Variants in MAGEB2 observed in about 807,000 individuals in gnomAD.
The protein encoded by MAGEB2 is MAGE family member B2.
For missense variants in MAGEB2, 365 were observed against 243.2 expected (o/e 1.50, Z -3.33); for synonymous variants, 107 against 96.2 (o/e 1.11, Z -0.66).
chrX:30,218,447 G>A, intron 1 of MAGEB2, 129 bp from the exon 2 acceptor site: 2 of 964,742 alleles, frequency 2.1e-6, no homozygotes, highest in Non-Finnish European at 2.8e-6. Flanking sequence ...AGGGAAACTT[G>A]CAAAGGCAGG....
chrX:30,216,885 TTA>T lies in MAGEB2; in HGVS notation c.-6+1231_-6+1232del, dbSNP rs1491458795. 1.7e-4 allele frequency among the ~76,000 whole-genome samples: 15 copies of T among 89,327 alleles called. 1 individual carries two copies. Among genetic ancestry groups the T allele is most frequent in the Admixed American group, 1.1e-3 (9 of 8,176 alleles). 77.6% of individuals were successfully genotyped at this position (89,327 alleles called of 115,157 possible). ...AGGCGAAAGGGCGAGACTCCGTCTC[TTA>T]AAAAAAAAAAAAAAAAAGGCAGCTT... is the stretch of plus-strand genomic sequence containing the variant. On this transcript the variant is annotated intron_variant, in intron 1 of 1. Coordinates refer to ENST00000378988, the MANE Select transcript of MAGEB2 (RefSeq NM_002364.5).
rs1305150979 is a variant in MAGEB2, at chrX:30,215,608, GC to G, written c.-52del. 3 of 110,670 alleles carry G rather than the reference GC, an allele frequency of 2.7e-5. No individual in the cohort carries two copies. Among genetic ancestry groups the G allele is most frequent in the African/African-American group, 9.9e-5 (3 of 30,389 alleles). 9.1% of individuals were successfully genotyped at this position (110,670 alleles called of 1,213,427 possible). ...GACCCGAGCGAGTGTAGGGGGTGCG[GC>G]GTCTGGTCAGCCAGGGGTGAATTCT... On this transcript the variant is annotated 5_prime_UTR_variant, in exon 1 of 2. Coordinates refer to ENST00000378988, the MANE Select transcript of MAGEB2 (RefSeq NM_002364.5).
intron 1 of MAGEB2, among the ~76,000 whole-genome samples, chrX:30,216,113 C>CT (rs1419266271): frequency 1.8e-5 from 2 of 111,100 alleles, no homozygotes; most frequent in Non-Finnish European, 3.8e-5. Flanking sequence ...GGTGAGGACT[C>CT]TGAGTATTAA....
Position 30,218,770 on chromosome X carries a change from A to AGACT in MAGEB2, c.192_193insCTGA (p.Ala65LeufsTer19). 2.5e-6 allele frequency: 3 copies of AGACT among 1,192,352 alleles called. No homozygotes were observed. The highest frequency in any genetic ancestry group is 2.3e-6 in the Non-Finnish European group (2 of 885,144). ...TGCTGGCATTCCCCAGGAGCCTCAG[A>AGACT]GAGCCCCAACCACTGCCGCTGCTGC... On this transcript the variant is annotated frameshift_variant, in exon 2 of 2. Coordinates refer to ENST00000378988, the MANE Select transcript of MAGEB2 (RefSeq NM_002364.5). LOFTEE classifies it low-confidence loss of function (END_TRUNC).
rs182815759 is a variant in MAGEB2 at position 30,218,097 on chromosome X, G to A, written c.-5-479G>A. Among the ~76,000 whole-genome samples, 231 of 96,145 alleles carry A rather than the reference G, an allele frequency of 2.4e-3. 1 individual carries two copies. The highest frequency in any genetic ancestry group is 9.0e-3 in the African/African-American group (219 of 24,360). 83.5% of individuals were successfully genotyped at this position (96,145 alleles called of 115,157 possible). ...AGACCCCACTGAACTCTCAGCACTG[G>A]GTGTCACTTCTCAGGGTGGTGGTTG... On this transcript the variant is annotated intron_variant, in intron 1 of 1. Coordinates refer to ENST00000378988, the MANE Select transcript of MAGEB2 (RefSeq NM_002364.5).
intron 1 of MAGEB2, among the ~76,000 whole-genome samples, chrX:30,217,827 C>T (rs982649717): frequency 8.9e-6 from 1 of 112,096 alleles, no homozygotes; most frequent in African/African-American, 3.2e-5. Flanking sequence ...ACCACTGAAC[C>T]CTTAACAGTG....
rs1369304062 is a variant in MAGEB2 at position 30,219,541 on chromosome X, G to C, written c.*1G>C. 3 of 1,192,918 alleles carry C rather than the reference G, an allele frequency of 2.5e-6. No homozygotes were observed. Among genetic ancestry groups the C allele is most frequent in the Non-Finnish European group, 3.4e-6 (3 of 885,704 alleles). On this transcript the variant is annotated 3_prime_UTR_variant, in exon 2 of 2. Transcript: ENST00000378988. ...AGATGAAGAGAAAGCCGGAGTCTGA[G>C]CCAGAGTTGTAGCCAGGCCTTGCAC...
intron 1 of MAGEB2, among the ~76,000 whole-genome samples, chrX:30,217,474 T>C (rs1396219440): frequency 1.8e-5 from 2 of 111,941 alleles, no homozygotes; most frequent in Non-Finnish European, 3.8e-5. Context: ...TCCAGTCATC[T>C]CCCACCAGGC....
Position 30,219,123 on chromosome X carries a change from C to A in MAGEB2, c.543C>A (p.Ile181=). 2 of 1,210,405 alleles carry A rather than the reference C, an allele frequency of 1.7e-6. No individual in the cohort carries two copies. The highest frequency in any genetic ancestry group is 1.7e-5 in the African/African-American group (1 of 57,758). ...CCAACGGCCACACTTACACCTTCAT[C>A]GACAAGGTAGACCTCACTGATGAGG... is the stretch of plus-strand genomic sequence containing the variant. ...VNPNGHTYTF[I]DKVDLTDEES... is the part of the protein sequence containing the mutation. The change falls in exon 2 of 2, where the codon ATC becomes ATA. Residue 181 remains isoleucine (I), a synonymous_variant. Transcript: ENST00000378988.
chrX:30,218,505 C>G (rs1447752937), intron 1 of MAGEB2, 71 bp from the exon 2 acceptor site: 3 of 1,134,039 alleles, frequency 2.6e-6, no homozygotes, highest in Non-Finnish European at 3.5e-6. Flanking sequence ...AAGGTGCTCA[C>G]AGATCTCATT....
chrX:30,219,578 C>T lies in MAGEB2; in HGVS notation c.*38C>T, dbSNP rs747893990. The T allele has an allele frequency of 8.9e-7, 1 of 1,122,024 alleles. No homozygotes were observed. The highest frequency in any genetic ancestry group is 2.7e-5 in the Admixed American group (1 of 36,773). The allele number at this position is 1,122,024 out of a possible 1,213,427, so 92.5% of individuals were successfully genotyped here. On this transcript the variant is annotated 3_prime_UTR_variant, in exon 2 of 2. Transcript: ENST00000378988. ...GCCAGGCCTTGCACTACTGCCATAG[C>T]CAATCAATCTCCCAAAGCCAAGTTT... is the stretch of plus-strand genomic sequence containing the variant.
chrX:30,219,502 G>A lies in MAGEB2; in HGVS notation c.922G>A (p.Glu308Lys), dbSNP rs1002960917. The change falls in exon 2 of 2, where the codon GAA becomes AAA. Residue 308 changes from glutamate to lysine, a missense_variant. Coordinates refer to ENST00000378988, the MANE Select transcript of MAGEB2 (RefSeq NM_002364.5). ...CCCCTGTGCCTTCCCAACCCATTAC[G>A]AAGAAGCTTTGAAAGATGAAGAGAA... ...TTPCAFPTHY[E>K]EALKDEEKAG... 39 of 1,205,483 alleles carry A rather than the reference G, an allele frequency of 3.2e-5. No individual in the cohort carries two copies. Among genetic ancestry groups the A allele is most frequent in the South Asian group, 7.1e-5 (4 of 56,010 alleles).
chrX:30,218,437 A>G lies in MAGEB2; in HGVS notation c.-5-139A>G. 1.0e-5 allele frequency: 9 copies of G among 894,051 alleles called. No homozygotes were observed. In the South Asian group the frequency reaches 2.3e-4, roughly 23 times the overall value. 73.7% of individuals were successfully genotyped at this position (894,051 alleles called of 1,213,427 possible). On this transcript the variant is annotated intron_variant, in intron 1 of 1. Coordinates refer to ENST00000378988, the MANE Select transcript of MAGEB2 (RefSeq NM_002364.5). ...TGTGGCTTTCTAGAACAGTGCCTTC[A>G]GGGAAACTTGCAAAGGCAGGCTTCC...
In MAGEB2 at chrX:30,219,729, A is replaced by G; in HGVS notation, c.*189A>G. The G allele has an allele frequency of 1.1e-5, 4 of 365,919 alleles. No homozygotes were observed. The East Asian group carries it at 1.6e-4, about 15-fold the overall frequency. The allele number at this position is 365,919 out of a possible 1,213,427, so 30.2% of individuals were successfully genotyped here. On this transcript the variant is annotated 3_prime_UTR_variant, in exon 2 of 2. Coordinates refer to ENST00000378988, the MANE Select transcript of MAGEB2 (RefSeq NM_002364.5). ...TGACTTTTTTTTTTTCTCTTTTTCAACTAGTGTTTCAACAGGTTTATTTAG... is the reference window on the plus strand; with the variant it reads ...TGACTTTTTTTTTTTCTCTTTTTCAGCTAGTGTTTCAACAGGTTTATTTAG...
chrX:30,218,539 C>T (rs1183929946), intron 1 of MAGEB2, 37 bp from the exon 2 acceptor site: 3 of 1,166,850 alleles, frequency 2.6e-6, no homozygotes, highest in Non-Finnish European at 3.4e-6. Context: ...GTATACTAAC[C>T]ATCTATTCTT....
chrX:30,219,378 T>C lies in MAGEB2; in HGVS notation c.798T>C (p.Ser266=). ...KYLEYKQVPS[S]DPPRFQFLWG... The stretch of plus-strand genomic sequence containing the variant: ...TGGAGTACAAGCAGGTGCCCAGCAG[T>C]GATCCCCCACGCTTTCAATTCCTGT... Residue 266 remains serine, a synonymous_variant, in exon 2 of 2, where the codon AGT becomes AGC. Coordinates refer to ENST00000378988, the MANE Select transcript of MAGEB2 (RefSeq NM_002364.5). The C allele has an allele frequency of 4.1e-6, 5 of 1,212,051 alleles. No individual in the cohort carries two copies. Among genetic ancestry groups the C allele is most frequent in the Non-Finnish European group, 5.6e-6 (5 of 895,500 alleles).
chrX:30,218,359 G>T (rs1210567561), intron 1 of MAGEB2, among the ~76,000 whole-genome samples: 3 of 111,937 alleles, frequency 2.7e-5, no homozygotes, highest in Non-Finnish European at 5.6e-5. Context: ...TAGGGGTTCT[G>T]TGGTTCTTCT....
Position 30,218,723 on chromosome X carries a change from G to A in MAGEB2, c.143G>A (p.Gly48Asp), listed in dbSNP as rs989719845. The A allele has an allele frequency of 8.3e-7, 1 of 1,200,415 alleles. No individual in the cohort carries two copies. Among genetic ancestry groups the A allele is most frequent in the Admixed American group, 2.2e-5 (1 of 44,772 alleles). Residue 48 changes from glycine to aspartate, a missense_variant, in exon 2 of 2, where the codon GGT becomes GAT. By Grantham distance (94) the Gly-to-Asp change is moderately conservative (BLOSUM62 -1). Coordinates refer to ENST00000378988, the MANE Select transcript of MAGEB2 (RefSeq NM_002364.5). ...APCCSSSVSG[G>D]AASSSPAAGI... ...TGCTGTTCCTCTTCTGTTTCTGGGGGTGCTGCTTCAAGCTCTCCTGCTGCT... is the reference window on the plus strand; with the variant it reads ...TGCTGTTCCTCTTCTGTTTCTGGGGATGCTGCTTCAAGCTCTCCTGCTGCT...
rs149245405 is a variant in MAGEB2, at chrX:30,219,227, A to G, written c.647A>G (p.Asn216Ser). The change falls in exon 2 of 2, where the codon AAC becomes AGC. Residue 216 changes from asparagine to serine, a missense_variant. Coordinates refer to ENST00000378988, the MANE Select transcript of MAGEB2 (RefSeq NM_002364.5). ...CTGGGTGTGATCTTCTTAAATGGCA[A>G]CTCAGCTACTGAGGAAGAGATCTGG... ...PLLGVIFLNG[N>S]SATEEEIWEF... 1.1e-5 allele frequency: 13 copies of G among 1,209,017 alleles called. No homozygotes were observed. The Middle Eastern group carries it at 2.1e-3, about 191-fold the overall frequency.
Sources: allele counts gnomAD v4.1 joint callset (sites outside exome capture counted in the v4.1 genomes callset), GRCh38; gene constraint gnomAD v4.1.1; transcripts MANE v1.5; gene names NCBI Gene and HGNC (gene_info 2026-07-23, HGNC 2026-07-21).